The following FLNB variants were observed in gnomAD, a reference collection of about 807,000 sequenced individuals.
FLNB encodes the protein filamin-B.
In FLNB, 111 loss-of-function variants were observed where a neutral mutation model predicts 250.6. The observed-to-expected ratio is 0.44, with a 90% CI of 0.38 to 0.52. FLNB has a LOEUF of 0.52. Among genes scored for constraint, FLNB ranks in the 20% least tolerant of loss-of-function variants. The probability of loss-of-function intolerance (pLI) is 0.00; values close to 1 mark genes in which losing one functional copy is unlikely to be tolerated. For synonymous variants in FLNB, 1,302 were observed against 1,372.1 expected (o/e 0.95, Z 1.13); for missense variants, 2,869 against 3,447.8 (o/e 0.83, Z 4.20).
Position 58,121,523 on chromosome 3 carries a change from C to T in FLNB, c.3126+20C>T, listed in dbSNP as rs1478446973. The T allele has an allele frequency of 2.5e-6, 4 of 1,613,336 alleles. No individual in the cohort carries two copies. The highest frequency in any genetic ancestry group is 3.4e-6 in the Non-Finnish European group (4 of 1,179,956). On this transcript the variant is annotated intron_variant, in intron 20 of 45. Transcript: ENST00000295956. ...AGCAAGGTCAGCCTTTGCTTTTGTC[C>T]CAGAACTTGTCTCATTGCTGTCAAA...
intron 5 of FLNB, among the ~76,000 whole-genome samples, chr3:58,095,229 G>GTATGTATGTATGTATTTATTTATT (rs140031981): frequency 5.4e-5 from 8 of 147,708 alleles, no homozygotes; most frequent in African/African-American, 2.0e-4. Context: ...GTTTATGTAT[G>GTATGTATGTATGTATTTATTTATT]TATTTATTTA....
intron 1 of FLNB, among the ~76,000 whole-genome samples, chr3:58,022,157 C>T (rs2097115095): frequency 6.6e-6 from 1 of 152,166 alleles, no homozygotes; most frequent in African/African-American, 2.4e-5. Context: ...GGGGCAGGCG[C>T]TGTGTCTCTT....
chr3:58,154,313 C>A (rs2097349965), intron 39 of FLNB, among the ~76,000 whole-genome samples: 1 of 152,158 alleles, frequency 6.6e-6, no homozygotes, highest in South Asian at 2.1e-4. Flanking sequence ...AAGGCCGAGG[C>A]AGGCAGACTG....
At chr3:58,038,582 G>A (rs2097141491) in intron 1 of FLNB, among the ~76,000 whole-genome samples, 1 of 151,404 alleles carries the variant, frequency 6.6e-6, no homozygotes, top group Non-Finnish European at 1.5e-5. Flanking sequence ...GCTCCACCAT[G>A]CCCAGTTAAT....
intron 1 of FLNB, among the ~76,000 whole-genome samples, chr3:58,058,029 TC>T (rs1310895090): frequency 1.3e-5 from 2 of 152,168 alleles, no homozygotes; most frequent in African/African-American, 4.8e-5. Context: ...CCTCAGGTGA[TC>T]CGCCTGCCTT....
At chr3:58,010,008 T>C (rs2097096127) in intron 1 of FLNB, among the ~76,000 whole-genome samples, 2 of 152,128 alleles carry the variant, frequency 1.3e-5, no homozygotes, top group African/African-American at 2.4e-5. Flanking sequence ...TGTACACACA[T>C]AGCATGTGTG....
chr3:58,142,787 C>A lies in FLNB; in HGVS notation c.5284+35C>A. On this transcript the variant is annotated intron_variant, in intron 31 of 45. Transcript: ENST00000295956. The surrounding 1 kb of genome is among the most constrained non-coding windows in gnomAD (Gnocchi z 4.3). ...TGCCATAAAGGCCGTCTCATTCTCACTTGCTCTCACGAGCTTCCCAGAATG... is the reference window on the plus strand; with the variant it reads ...TGCCATAAAGGCCGTCTCATTCTCAATTGCTCTCACGAGCTTCCCAGAATG... 2 of 1,565,998 alleles carry A rather than the reference C, an allele frequency of 1.3e-6. No individual in the cohort carries two copies. Among genetic ancestry groups the A allele is most frequent in the Non-Finnish European group, 1.8e-6 (2 of 1,136,712 alleles).
intron 11 of FLNB, 82 bp from the exon 12 acceptor site, chr3:58,106,598 G>T: frequency 1.5e-6 from 2 of 1,321,782 alleles, no homozygotes; most frequent in South Asian, 2.4e-5. Flanking sequence ...TTTTAGGGAG[G>T]CAGCGGGAAT....
At position 58,156,065 on chromosome 3, in the gene FLNB, T is replaced by C. The variant is rs763844335; in HGVS notation, c.6878T>C (p.Met2293Thr). The C allele has an allele frequency of 5.6e-6, 9 of 1,613,492 alleles. No homozygotes were observed. The highest frequency in any genetic ancestry group is 4.4e-5 in the South Asian group (4 of 91,070). The change falls in exon 41 of 46, where the codon ATG becomes ACG. Residue 2293 changes from methionine to threonine, a missense_variant. Coordinates refer to ENST00000295956, the MANE Select transcript of FLNB (RefSeq NM_001457.4). ...GACGACGCCCGCCGCCTCACTGTTA[T>C]GAGCCTTCAGGTGAGATGCAAGGAA... ...PSDDARRLTV[M>T]SLQESGLKVN... is the part of the protein sequence containing the mutation.
Position 58,016,343 on chromosome 3 carries a change from G to A in FLNB, c.292+7487G>A, listed in dbSNP as rs559898970. 1.6e-4 allele frequency among the ~76,000 whole-genome samples: 24 copies of A among 151,968 alleles called. No individual in the cohort carries two copies. The East Asian group carries it at 3.5e-3, about 22-fold the overall frequency. ...TGCTGGGATTACAGGCGTGAGCCACGGCATCCAGCCCCTTGTTTAGTGTAG... is the reference window on the plus strand; with the variant it reads ...TGCTGGGATTACAGGCGTGAGCCACAGCATCCAGCCCCTTGTTTAGTGTAG... On this transcript the variant is annotated intron_variant, in intron 1 of 45. Coordinates refer to ENST00000295956, the MANE Select transcript of FLNB (RefSeq NM_001457.4).
At chr3:58,141,004 T>C (rs1392407739) in intron 29 of FLNB, among the ~76,000 whole-genome samples, 1 of 152,132 alleles carries the variant, frequency 6.6e-6, no homozygotes, top group East Asian at 1.9e-4. Context: ...TCTCAGCAGT[T>C]TGGGAGGCCA....
In FLNB at chr3:58,077,224, C is replaced by T. The variant is rs2097202898; in HGVS notation, c.471C>T (p.Pro157=). Reference sequence around the variant, plus strand: ...TTCAGAACAAGATCCCCTACTTGCCCATCACCAACTTTAACCAGAACTGGC... The same window carrying T: ...TTCAGAACAAGATCCCCTACTTGCCTATCACCAACTTTAACCAGAACTGGC... ...GWIQNKIPYL[P]ITNFNQNWQD... Residue 157 remains proline, a synonymous_variant, in exon 2 of 46, where the codon CCC becomes CCT. Transcript: ENST00000295956. The T allele has an allele frequency of 6.2e-7, 1 of 1,614,164 alleles. No homozygotes were observed. Among genetic ancestry groups the T allele is most frequent in the Non-Finnish European group, 8.5e-7 (1 of 1,180,010 alleles).
intron 1 of FLNB, among the ~76,000 whole-genome samples, chr3:58,046,425 T>A (rs1443895584): frequency 1.3e-5 from 2 of 152,022 alleles, no homozygotes; most frequent in African/African-American, 2.4e-5. Context: ...CACAGAATTA[T>A]GCAACTATCA....
intron 24 of FLNB, among the ~76,000 whole-genome samples, chr3:58,127,462 T>C (rs1214444591): frequency 2.0e-5 from 3 of 152,246 alleles, no homozygotes; most frequent in Non-Finnish European, 4.4e-5. Flanking sequence ...AATTCTTTCT[T>C]TTGTATTTAG....
In FLNB at chr3:58,130,873, T is replaced by A. The variant is rs1330763593; in HGVS notation, c.4355T>A (p.Leu1452Gln). 4 of 1,612,766 alleles carry A rather than the reference T, an allele frequency of 2.5e-6. No homozygotes were observed. The highest frequency in any genetic ancestry group is 3.4e-6 in the Non-Finnish European group (4 of 1,179,676). ...ACGGTGGACAGCAGCAAGGCTGGCCTGGCTCCGCTGGAAGTGAGGGTTCTG... is the reference window on the plus strand; with the variant it reads ...ACGGTGGACAGCAGCAAGGCTGGCCAGGCTCCGCTGGAAGTGAGGGTTCTG... ...SFTVDSSKAG[L>Q]APLEVRVLGP... The change falls in exon 25 of 46, where the codon CTG becomes CAG. Residue 1452 changes from leucine to glutamine, a missense_variant. Physicochemically the swap from Leu to Gln is moderately radical, Grantham distance 113 (BLOSUM62 -2). Coordinates refer to ENST00000295956, the MANE Select transcript of FLNB (RefSeq NM_001457.4).
chr3:58,115,946 A>G (rs1445437942), intron 18 of FLNB, among the ~76,000 whole-genome samples: 2 of 152,050 alleles, frequency 1.3e-5, no homozygotes, highest in Middle Eastern at 3.2e-3. Context: ...CTATTTTTCT[A>G]TGGCAAAGAA....
chr3:58,043,494 G>T (rs2097149197), intron 1 of FLNB, among the ~76,000 whole-genome samples: 1 of 152,152 alleles, frequency 6.6e-6, no homozygotes, highest in African/African-American at 2.4e-5. Flanking sequence ...AGGCAAAAGA[G>T]GGAGCCACTT....
chr3:58,008,946 C>A, intron 1 of FLNB, 90 bp downstream of exon 1: 1 of 1,499,310 alleles, frequency 6.7e-7, no homozygotes, highest in Non-Finnish European at 9.3e-7. Flanking sequence ...TTTCCCGCAG[C>A]GCGCCCCCAC....
At chr3:58,051,146 G>A (rs2097161681) in intron 1 of FLNB, among the ~76,000 whole-genome samples, 1 of 152,190 alleles carries the variant, frequency 6.6e-6, no homozygotes, top group Non-Finnish European at 1.5e-5. Context: ...TCAAGGGCAG[G>A]TCCTCTCCAG....
Sources: gnomAD v4.1 joint callset for allele counts (sites outside exome capture counted in the v4.1 genomes callset) on GRCh38, gnomAD v4.1.1 for gene constraint, Gnocchi (gnomAD v3.1) non-coding constraint, MANE v1.5 for transcripts, NCBI Gene and HGNC (gene_info 2026-07-23, HGNC 2026-07-21) for gene names.